The following MCM4 variants were observed in gnomAD, a reference collection of about 807,000 sequenced individuals.
MCM4 encodes minichromosome maintenance complex component 4, also known as DNA replication licensing factor MCM4.
A neutral mutation model predicts 88.7 loss-of-function variants in MCM4; 60 were observed. The observed-to-expected ratio is 0.68, with a 90% CI of 0.55 to 0.84. The LOEUF (loss-of-function observed/expected upper bound fraction) is 0.84, where lower values mean the gene tolerates loss of function less well. Ranked by LOEUF, MCM4 falls within the 40% of genes least tolerant of loss-of-function variation. The pLI is 0.00. For missense variants in MCM4, 1,149 were observed against 1,105.5 expected (o/e 1.04, Z -0.56); for synonymous variants, 465 against 410.5 (o/e 1.13, Z -1.61).
At chr8:47,965,766 G>A (rs2090892750) in intron 8 of MCM4, among the ~76,000 whole-genome samples, 1 of 152,182 alleles carries the variant, frequency 6.6e-6, no homozygotes, top group Admixed American at 6.5e-5. Flanking sequence ...TACTAGGCTT[G>A]AAGTACATTG....
chr8:47,969,849 A>T lies in MCM4; in HGVS notation c.1226A>T (p.Lys409Met), dbSNP rs148895730. 9.8e-5 allele frequency: 158 copies of T among 1,614,128 alleles called. No homozygotes were observed. The highest frequency in any genetic ancestry group is 1.2e-4 in the Non-Finnish European group (141 of 1,180,040). ...GTCAATCCAAGAGTGAGTAATGTGA[A>T]GTCTGTCTACAAAACCCACATTGAT... ...IRVNPRVSNV[K>M]SVYKTHIDVI... Residue 409 changes from lysine to methionine, a missense_variant, in exon 11 of 17, where the codon AAG becomes ATG. Physicochemically the swap from Lys to Met is moderately conservative, Grantham distance 95. Around this residue, in one of 3 missense-constraint regions of MCM4, gnomAD observed 906 missense variants for 843.0 expected, o/e 1.07. Transcript: ENST00000649973.
rs1273741959 is a variant in MCM4 at position 47,961,871 on chromosome 8, G to A, written c.236-182G>A. On this transcript the variant is annotated intron_variant, in intron 3 of 16. Coordinates refer to ENST00000649973, the MANE Select transcript of MCM4 (RefSeq NM_182746.3). The stretch of plus-strand genomic sequence containing the variant: ...GTAGTTTTAGGGCTTAGTGAGCAGA[G>A]GAAGCAGCTTCTCTGGTGCTTTTTT... 6.6e-6 allele frequency: 6 copies of A among 909,162 alleles called. No homozygotes were observed. In the African/African-American group the frequency reaches 8.4e-5, roughly 13 times the overall value. 56.3% of individuals were successfully genotyped at this position (909,162 alleles called of 1,614,324 possible).
At chr8:47,966,871 C>T (rs377488157) in intron 9 of MCM4, among the ~76,000 whole-genome samples, 56 of 152,206 alleles carry the variant, frequency 3.7e-4, no homozygotes, top group African/African-American at 1.3e-3. Flanking sequence ...GCTTATTTAC[C>T]GTGATTGTGA....
At chr8:47,968,265 G>A (rs2090918847) in intron 10 of MCM4, among the ~76,000 whole-genome samples, 1 of 152,178 alleles carries the variant, frequency 6.6e-6, no homozygotes, top group African/African-American at 2.4e-5. Context: ...ACCACGCATC[G>A]GCTCTTGTCT....
Position 47,966,313 on chromosome 8 carries a change from G to A in MCM4, c.959G>A (p.Gly320Asp). Residue 320 changes from glycine (G) to aspartate (D), a missense_variant, in exon 9 of 17, where the codon GGC becomes GAC. Transcript: ENST00000649973. ...AHTTRVEMDR[G>D]RIAEPSVCGR... The stretch of plus-strand genomic sequence containing the variant: ...ACGACCCGGGTGGAGATGGACCGCG[G>A]CCGCATTGCAGAGCCCAGTGTGTGC... 9 of 1,614,042 alleles carry A rather than the reference G, an allele frequency of 5.6e-6. No homozygotes were observed. Among genetic ancestry groups the A allele is most frequent in the Non-Finnish European group, 6.8e-6 (8 of 1,180,040 alleles).
intron 11 of MCM4, 126 bp downstream of exon 11, chr8:47,970,183 G>A: frequency 6.5e-6 from 7 of 1,084,938 alleles, no homozygotes; most frequent in Non-Finnish European, 9.3e-6. Context: ...TAGAGCAAGT[G>A]CTGGCAACCT....
intron 14 of MCM4, among the ~76,000 whole-genome samples, chr8:47,973,336 C>G (rs1186419926): frequency 6.6e-6 from 1 of 151,768 alleles, no homozygotes; most frequent in Admixed American, 6.6e-5. Context: ...ACAACCACTC[C>G]GGCTAATTTT....
At chr8:47,972,367 C>G (rs2090961362) in intron 13 of MCM4, among the ~76,000 whole-genome samples, 1 of 151,974 alleles carries the variant, frequency 6.6e-6, no homozygotes, top group East Asian at 1.9e-4. Context: ...AGGGACAGCA[C>G]AGGGTGAGTG....
At chr8:47,970,920 T>A (rs760153782) in intron 12 of MCM4, 44 bp downstream of exon 12, 23 of 1,536,190 alleles carry the variant, frequency 1.5e-5, no homozygotes, top group Non-Finnish European at 2.0e-5. Context: ...GTTTAAAATA[T>A]GTGGACCCTT....
intron 3 of MCM4, 116 bp downstream of exon 3, chr8:47,961,796 G>C: frequency 1.5e-6 from 2 of 1,312,092 alleles, no homozygotes; most frequent in Non-Finnish European, 2.1e-6. Flanking sequence ...CCCTCTGCAC[G>C]TGACTGAGCA....
At position 47,964,856 on chromosome 8, in the gene MCM4, C is replaced by G. The variant is rs1408266937; in HGVS notation, c.832+144C>G. 4.6e-6 allele frequency: 3 copies of G among 648,678 alleles called. No individual in the cohort carries two copies. The African/African-American group carries it at 5.5e-5, about 12-fold the overall frequency. The allele number at this position is 648,678 out of a possible 1,614,324, so 40.2% of individuals were successfully genotyped here. A position where few individuals can be genotyped will look rare whatever the true frequency, so the allele number is the denominator to read the frequency against. On this transcript the variant is annotated intron_variant, in intron 8 of 16. Transcript: ENST00000649973. Reference sequence around the variant, plus strand: ...TTATAAATTGACAATAATATAGATTCAGTTATCCTATATACTTATGAACCC... The same window carrying G: ...TTATAAATTGACAATAATATAGATTGAGTTATCCTATATACTTATGAACCC...
chr8:47,963,455 A>T (rs1355259865), intron 7 of MCM4, among the ~76,000 whole-genome samples: 2 of 152,204 alleles, frequency 1.3e-5, no homozygotes, highest in Non-Finnish European at 2.9e-5. Flanking sequence ...CATCTCAAAC[A>T]AACAAAAAAA....
intron 3 of MCM4, 35 bp downstream of exon 3, chr8:47,961,715 G>T (rs775013119): frequency 2.5e-6 from 4 of 1,573,902 alleles, no homozygotes. Flanking sequence ...TGCTGTGCTT[G>T]ATACACAGCT....
intron 13 of MCM4, 93 bp downstream of exon 13, chr8:47,971,561 A>G: frequency 1.6e-6 from 2 of 1,272,680 alleles, no homozygotes; most frequent in Non-Finnish European, 2.2e-6. Context: ...GCTAATGGAA[A>G]CTCTTCACTC....
At chr8:47,970,398 G>C (rs946892918) in intron 11 of MCM4, 113 bp from the exon 12 acceptor site, 5 of 1,364,644 alleles carry the variant, frequency 3.7e-6, no homozygotes, top group East Asian at 2.3e-5. Flanking sequence ...ATACCTTCCT[G>C]TGATTTCTTA....
Position 47,976,692 on chromosome 8 carries a change from A to G in MCM4, c.2506A>G (p.Thr836Ala). ...TTCTTTCTCTTCCCCACAGGCAATT[A>G]CTAAAGATATGTTTGAAGAAGCACT... ...DIRGQSDIAI[T>A]KDMFEEALRA... is the part of the protein sequence containing the mutation. The change falls in exon 17 of 17, where the codon ACT becomes GCT. Residue 836 changes from threonine (T) to alanine (A), a missense_variant. Physicochemically the swap from Thr to Ala is moderately conservative, Grantham distance 58. Transcript: ENST00000649973. The G allele has an allele frequency of 6.2e-7, 1 of 1,611,744 alleles. No homozygotes were observed. The highest frequency in any genetic ancestry group is 8.5e-7 in the Non-Finnish European group (1 of 1,178,082).
chr8:47,968,254 C>A (rs758103086), intron 10 of MCM4, among the ~76,000 whole-genome samples: 1 of 152,198 alleles, frequency 6.6e-6, no homozygotes, highest in Non-Finnish European at 1.5e-5. Flanking sequence ...GCCTGGGGCA[C>A]ACCACGCATC....
chr8:47,963,464 A>C (rs999640659), intron 7 of MCM4, among the ~76,000 whole-genome samples: 5 of 152,198 alleles, frequency 3.3e-5, no homozygotes, highest in African/African-American at 9.6e-5. Context: ...CAAACAAAAA[A>C]AAACTATGTA....
rs761288809 is a variant in MCM4, at chr8:47,962,715, C to T, written c.502-49C>T. 6.7e-6 allele frequency: 7 copies of T among 1,048,056 alleles called. No individual in the cohort carries two copies. In the East Asian group the frequency reaches 1.7e-4, roughly 25 times the overall value. The allele number at this position is 1,048,056 out of a possible 1,614,324, so 64.9% of individuals were successfully genotyped here. A position where few individuals can be genotyped will look rare whatever the true frequency, so the allele number is the denominator to read the frequency against. On this transcript the variant is annotated intron_variant, in intron 5 of 16. Coordinates refer to ENST00000649973, the MANE Select transcript of MCM4 (RefSeq NM_182746.3). ...TAACTTTGTGTGTTTTTAGTAGTTGCCTGTTCCCAAATGCTATATGCCTAA... is the reference window on the plus strand; with the variant it reads ...TAACTTTGTGTGTTTTTAGTAGTTGTCTGTTCCCAAATGCTATATGCCTAA...
Sources: gnomAD v4.1 joint callset for allele counts (sites outside exome capture counted in the v4.1 genomes callset) on GRCh38, gnomAD v4.1.1 for gene constraint, gnomAD v4.1.1 regional missense constraint, MANE v1.5 for transcripts, NCBI Gene and HGNC (gene_info 2026-07-23, HGNC 2026-07-21) for gene names.